Variants in ASIC2 observed in about 807,000 individuals in gnomAD.
ASIC2 encodes acid-sensing ion channel 2.
A neutral mutation model predicts 57.3 loss-of-function variants in ASIC2; 25 were observed. The observed-to-expected ratio is 0.44, with a 90% CI of 0.32 to 0.61. The LOEUF is 0.61. Ranked by LOEUF, ASIC2 falls within the 20% of genes least tolerant of loss-of-function variation. ASIC2 has a pLI of 0.06. For missense variants in ASIC2, 641 were observed against 738.1 expected, an observed-to-expected ratio of 0.87 and a Z score of 1.52; for synonymous variants, 319 against 307.5, an observed-to-expected ratio of 1.04 and a Z score of -0.39.
intron 1 of ASIC2, among the ~76,000 whole-genome samples, chr17:33,635,248 G>T (rs1906318204): frequency 6.6e-6 from 1 of 152,154 alleles, no homozygotes; most frequent in Non-Finnish European, 1.5e-5. Flanking sequence ...TAATAATAAC[G>T]TAGCTAAGAT....
At chr17:33,915,170 G>A (rs1907158666) in intron 1 of ASIC2, among the ~76,000 whole-genome samples, 1 of 152,182 alleles carries the variant, frequency 6.6e-6, no homozygotes, top group African/African-American at 2.4e-5. Flanking sequence ...TTGGTGACAA[G>A]ACCAATAATC....
At chr17:33,451,337 A>G (rs2347157) in intron 1 of ASIC2, among the ~76,000 whole-genome samples, 109,161 of 152,004 alleles carry the variant, frequency 0.72, 39,998 homozygotes, top group Non-Finnish European at 0.79. Flanking sequence ...ATTTACAGGC[A>G]TGAGCTACCG....
At chr17:34,099,713 A>G (rs1325841400) in intron 1 of ASIC2, among the ~76,000 whole-genome samples, 1 of 144,204 alleles carries the variant, frequency 6.9e-6, no homozygotes, top group Non-Finnish European at 1.5e-5. Context: ...GAAAAAAGAA[A>G]GAAAGAAAGA....
intron 1 of ASIC2, among the ~76,000 whole-genome samples, chr17:33,174,553 G>A (rs895594593): frequency 1.1e-4 from 17 of 152,102 alleles, no homozygotes; most frequent in South Asian, 2.1e-4. Flanking sequence ...TGGCCTTTGC[G>A]GAGCTCACAT....
At chr17:33,206,072 T>C (rs767394324) in intron 1 of ASIC2, among the ~76,000 whole-genome samples, 14 of 152,086 alleles carry the variant, frequency 9.2e-5, no homozygotes, top group Non-Finnish European at 1.8e-4. Flanking sequence ...CTCACCAGAG[T>C]CATAAAAATG....
chr17:33,671,983 G>A (rs1474155509), intron 1 of ASIC2, among the ~76,000 whole-genome samples: 1 of 151,992 alleles, frequency 6.6e-6, no homozygotes, highest in Non-Finnish European at 1.5e-5. Flanking sequence ...TTGCAAATTG[G>A]AATCACATCA....
intron 1 of ASIC2, among the ~76,000 whole-genome samples, chr17:34,123,376 C>T (rs1267854544): frequency 6.6e-6 from 1 of 152,164 alleles, no homozygotes; most frequent in African/African-American, 2.4e-5. Context: ...ATGTCATTTC[C>T]TGCTTCCCTA....
At chr17:34,144,034 G>T (rs1470017095) in intron 1 of ASIC2, among the ~76,000 whole-genome samples, 1 of 152,074 alleles carries the variant, frequency 6.6e-6, no homozygotes, top group Non-Finnish European at 1.5e-5. Flanking sequence ...AAGCATTTAG[G>T]ATATAAAATC....
chr17:33,782,233 C>T (rs1911476225), intron 1 of ASIC2, among the ~76,000 whole-genome samples: 1 of 152,178 alleles, frequency 6.6e-6, no homozygotes, highest in African/African-American at 2.4e-5. Flanking sequence ...CTGCCTAGCC[C>T]TCAGTCCTGG....
chr17:33,992,287 C>T (rs1294754712), intron 1 of ASIC2, among the ~76,000 whole-genome samples: 1 of 152,184 alleles, frequency 6.6e-6, no homozygotes, highest in East Asian at 1.9e-4. Flanking sequence ...CCAGCTAGCT[C>T]AGCCTAGTCA....
At chr17:34,069,564 A>C (rs1158944745) in intron 1 of ASIC2, 3 of 152,208 alleles carry the variant, frequency 2.0e-5, no homozygotes, top group African/African-American at 7.2e-5. Flanking sequence ...AAGCTGAGCT[A>C]CTGAGCTTGC....
intron 1 of ASIC2, among the ~76,000 whole-genome samples, chr17:33,741,491 G>A (rs554433333): frequency 4.5e-4 from 68 of 152,286 alleles, no homozygotes; most frequent in South Asian, 2.5e-3. Flanking sequence ...CTGCTGGACT[G>A]CAGAAGTCAA....
intron 1 of ASIC2, among the ~76,000 whole-genome samples, chr17:33,287,269 C>G (rs1397582268): frequency 1.3e-5 from 2 of 152,218 alleles, no homozygotes; most frequent in East Asian, 1.9e-4. Context: ...AATGGCAGCA[C>G]CAAAGACCCA....
intron 1 of ASIC2, chr17:34,038,090 G>T (rs370835236): frequency 1.9e-5 from 30 of 1,613,040 alleles, no homozygotes; most frequent in Non-Finnish European, 2.4e-5. Flanking sequence ...CATGATCTTC[G>T]AAAGACCAAA....
intron 1 of ASIC2, among the ~76,000 whole-genome samples, chr17:33,597,396 A>C (rs1401728459): frequency 6.6e-6 from 1 of 152,204 alleles, no homozygotes; most frequent in African/African-American, 2.4e-5. Flanking sequence ...ATTTAACAGC[A>C]AGTGCTTGGA....
intron 1 of ASIC2, among the ~76,000 whole-genome samples, chr17:33,521,850 G>C (rs779838466): frequency 2.0e-5 from 3 of 152,176 alleles, no homozygotes; most frequent in Non-Finnish European, 4.4e-5. Context: ...GAAGACACCT[G>C]ACAAGAGGGG....
chr17:33,882,504 G>C (rs1026167802), intron 1 of ASIC2, among the ~76,000 whole-genome samples: 4 of 152,142 alleles, frequency 2.6e-5, no homozygotes, highest in Non-Finnish European at 5.9e-5. Context: ...ACAGACACAT[G>C]AAAAAATGCT....
chr17:33,157,851 A>G lies in ASIC2; in HGVS notation c.709-45784T>C, dbSNP rs552354213. Among the ~76,000 whole-genome samples the G allele has an allele frequency of 2.0e-5, 3 of 152,250 alleles. No homozygotes were observed. In the South Asian group the frequency reaches 6.2e-4, roughly 32 times the overall value. ...TCTAAGTCAAAGCCACATCCTCACC[A>G]TGGCCTGTACTGCCCTGCAAAAGGT... On this transcript the variant is annotated intron_variant, in intron 1 of 9. Transcript: ENST00000225823.
intron 1 of ASIC2, among the ~76,000 whole-genome samples, chr17:34,007,888 C>G (rs961057311): frequency 6.6e-6 from 1 of 152,146 alleles, no homozygotes; most frequent in African/African-American, 2.4e-5. Context: ...CTAAATACCC[C>G]CAATGAAAAT....
Sources: allele counts gnomAD v4.1 joint callset (sites outside exome capture counted in the v4.1 genomes callset), GRCh38; gene constraint gnomAD v4.1.1; transcripts MANE v1.5; gene names NCBI Gene and HGNC (gene_info 2026-07-23, HGNC 2026-07-21).